The following PFAS variants were observed in gnomAD, a reference collection of about 807,000 sequenced individuals.
PFAS encodes the protein FGAM synthase.
In PFAS, 97 loss-of-function variants were observed where a neutral mutation model predicts 140.6. The observed-to-expected ratio is 0.69, with a 90% CI of 0.59 to 0.82. The LOEUF is 0.82. PFAS is among the 40% of genes least tolerant of loss of function. The pLI is 0.00. For synonymous variants in PFAS, 679 were observed against 718.8 expected, an observed-to-expected ratio of 0.94 and a Z score of 0.88; for missense variants, 1,656 against 1,780.2, an observed-to-expected ratio of 0.93 and a Z score of 1.26.
intron 26 of PFAS, among the ~76,000 whole-genome samples, chr17:8,268,050 ATATAT>A (rs1989901579): frequency 1.0e-3 from 1 of 984 alleles, no homozygotes; most frequent in Non-Finnish European, 0.012. Flanking sequence ...ATATTTTTAA[ATATAT>A]ATATATATAT....
In PFAS at chr17:8,268,514, C is replaced by G. The variant is rs1989918892; in HGVS notation, c.3383-19C>G. ...TGAGGTCCTCCATGTCTCACCCTGA[C>G]TTCCCTATTCCCTGCTAGGGTGGGC... On this transcript the variant is annotated intron_variant, in intron 26 of 27. Coordinates refer to ENST00000314666, the MANE Select transcript of PFAS (RefSeq NM_012393.3). 1 of 1,594,146 alleles carries G rather than the reference C, an allele frequency of 6.3e-7. No individual in the cohort carries two copies. Among genetic ancestry groups the G allele is most frequent in the Non-Finnish European group, 8.6e-7 (1 of 1,165,756 alleles).
chr17:8,267,424 C>T lies in PFAS; in HGVS notation c.3228C>T (p.Asp1076=), dbSNP rs1989863617. ...TGCGAGAGGAGGGCAGTAATGGAGA[C>T]CGGGAGATGGCCGATGCCTTCCACT... is the stretch of plus-strand genomic sequence containing the variant. The part of the protein sequence containing the change: ...AILREEGSNG[D]REMADAFHLA... Residue 1076 remains aspartate (D), a synonymous_variant, in exon 25 of 28, where the codon GAC becomes GAT. Transcript: ENST00000314666. This position sits in a 1 kb window ranked among gnomAD's most constrained non-coding sequence, Gnocchi z 4.9. The T allele has an allele frequency of 6.2e-7, 1 of 1,614,008 alleles. No individual in the cohort carries two copies. Among genetic ancestry groups the T allele is most frequent in the African/African-American group, 1.3e-5 (1 of 74,920 alleles).
In PFAS at chr17:8,266,480, T is replaced by C. The variant is rs781433923; in HGVS notation, c.2821+127T>C. The stretch of plus-strand genomic sequence containing the variant: ...CCCTGAGTCTTCCCTGACTAGCTTT[T>C]CTGTGCTGTCTCTCTGACAGCTGAA... On this transcript the variant is annotated intron_variant, in intron 22 of 27. Coordinates refer to ENST00000314666, the MANE Select transcript of PFAS (RefSeq NM_012393.3). This position sits in a 1 kb window ranked among gnomAD's most constrained non-coding sequence, Gnocchi z 5.0. 2.7e-6 allele frequency: 4 copies of C among 1,501,592 alleles called. No individual in the cohort carries two copies. In the African/African-American group the frequency reaches 4.2e-5, roughly 16 times the overall value. The allele number at this position is 1,501,592 out of a possible 1,614,324, so 93.0% of individuals were successfully genotyped here. A position where few individuals can be genotyped will look rare whatever the true frequency, so the allele number is the denominator to read the frequency against.
chr17:8,264,500 C>T lies in PFAS; in HGVS notation c.1948C>T (p.Leu650=), dbSNP rs111582904. Residue 650 remains leucine, a synonymous_variant, in exon 17 of 28, where the codon CTG becomes TTG. Coordinates refer to ENST00000314666, the MANE Select transcript of PFAS (RefSeq NM_012393.3). ...CTTCCTGCAGAGGAAGCCCCCCATG[C>T]TGCAGCCTCTGGCCTTGCCCCCAGG... ...EFFLQRKPPM[L]QPLALPPGLS... 2 of 1,613,838 alleles carry T rather than the reference C, an allele frequency of 1.2e-6. No individual in the cohort carries two copies. The highest frequency in any genetic ancestry group is 2.2e-5 in the East Asian group (1 of 44,880).
In PFAS at chr17:8,264,976, G is replaced by A; in HGVS notation, c.2131G>A (p.Val711Met). The A allele has an allele frequency of 6.2e-7, 1 of 1,613,132 alleles. No individual in the cohort carries two copies. Among genetic ancestry groups the A allele is most frequent in the Non-Finnish European group, 8.5e-7 (1 of 1,179,606 alleles). The change falls in exon 18 of 28, where the codon GTG becomes ATG. Residue 711 changes from valine (V) to methionine (M), a missense_variant. Transcript: ENST00000314666. ...LQTPLADVAVVALSHEELIGA... is the reference protein window; with the variant it reads ...LQTPLADVAVMALSHEELIGA... ...AACTCCTCTGGCAGATGTAGCGGTT[G>A]TGGCACTGAGCCATGAGGAGCTCAT...
chr17:8,247,965 CAAG>C, upstream of PFAS: 1 of 1,598,848 alleles, frequency 6.3e-7, no homozygotes, highest in Non-Finnish European at 8.5e-7. Flanking sequence ...CTGTGACAAA[CAAG>C]AAAAAAGGAA....
In PFAS at chr17:8,264,867, C is replaced by G. The variant is rs773299059; in HGVS notation, c.2050-28C>G. On this transcript the variant is annotated intron_variant, in intron 17 of 27. Coordinates refer to ENST00000314666, the MANE Select transcript of PFAS (RefSeq NM_012393.3). Reference sequence around the variant, plus strand: ...GCTCAGGCTGTCCCTGTCCCTTGCTCTCTTGCTAACCCCACCTGGTTCCAC... The same window carrying G: ...GCTCAGGCTGTCCCTGTCCCTTGCTGTCTTGCTAACCCCACCTGGTTCCAC... 3.6e-5 allele frequency: 53 copies of G among 1,475,772 alleles called. No homozygotes were observed. The Admixed American group carries it at 3.7e-4, about 10-fold the overall frequency. The allele number at this position is 1,475,772 out of a possible 1,614,324, so 91.4% of individuals were successfully genotyped here. A position where few individuals can be genotyped will look rare whatever the true frequency, so the allele number is the denominator to read the frequency against.
chr17:8,252,394 TTTTG>T (rs761645734), intron 1 of PFAS, among the ~76,000 whole-genome samples: 9 of 152,104 alleles, frequency 5.9e-5, no homozygotes, highest in Non-Finnish European at 1.3e-4. Context: ...AGAGATCCTT[TTTTG>T]TTTGTTTGTT....
At chr17:8,252,515 T>C (rs1037013539) in intron 1 of PFAS, among the ~76,000 whole-genome samples, 1 of 148,498 alleles carries the variant, frequency 6.7e-6, no homozygotes, top group Non-Finnish European at 1.5e-5. Flanking sequence ...GTGATTCTCC[T>C]GCCTCAGCCT....
chr17:8,263,641 G>C lies in PFAS; in HGVS notation c.1629+5G>C. 1 of 1,613,638 alleles carries C rather than the reference G, an allele frequency of 6.2e-7. No individual in the cohort carries two copies. Among genetic ancestry groups the C allele is most frequent in the Non-Finnish European group, 8.5e-7 (1 of 1,179,606 alleles). On this transcript the variant is annotated splice_donor_5th_base_variant and intron_variant, in intron 14 of 27. Transcript: ENST00000314666. ...ATTTACACCAGCCGCTTCCAGGTGG[G>C]TCTCGTCCCCTGAAGTGTGACATTT...
In PFAS at chr17:8,252,703, G is replaced by A. The variant is rs940291579; in HGVS notation, c.-79-1156G>A. On this transcript the variant is annotated intron_variant, in intron 1 of 27. Transcript: ENST00000314666. ...TTGATCACTGCTCACTGCAGCCTCC[G>A]CCTCCCCAGGCTCAAGTGATCTTCC... 7.9e-5 allele frequency among the ~76,000 whole-genome samples: 12 copies of A among 152,234 alleles called. No homozygotes were observed. In the South Asian group the frequency reaches 1.2e-3, roughly 16 times the overall value.
chr17:8,262,584 A>G (rs1350474307), intron 11 of PFAS: 5 of 265,740 alleles, frequency 1.9e-5, no homozygotes, highest in Admixed American at 4.9e-5. Flanking sequence ...ACCTGAGGTC[A>G]GGAGTTTGAG....
rs148514332 is a variant in PFAS, at chr17:8,267,464, G to A, written c.3267+1G>A. 4.3e-6 allele frequency: 7 copies of A among 1,613,590 alleles called. No homozygotes were observed. Among genetic ancestry groups the A allele is most frequent in the Non-Finnish European group, 5.9e-6 (7 of 1,179,596 alleles). On this transcript the variant is annotated splice_donor_variant, in intron 25 of 27. Coordinates refer to ENST00000314666, the MANE Select transcript of PFAS (RefSeq NM_012393.3). LOFTEE classifies it high-confidence loss of function. The surrounding 1 kb of genome is among the most constrained non-coding windows in gnomAD (Gnocchi z 4.9). ...TGCCTTCCACTTAGCTGGGTTTGAG[G>A]TGAGCAGGGTAGGGGGCAGCTGGGG...
At chr17:8,263,296 G>GC (rs754603802) in intron 13 of PFAS, 31 bp downstream of exon 13, 1 of 1,612,086 alleles carries the variant, frequency 6.2e-7, no homozygotes, top group Non-Finnish European at 8.5e-7. Context: ...AAGAGACTGG[G>GC]CCTGCCTGGT....
At position 8,263,276 on chromosome 17, in the gene PFAS, G is replaced by A; in HGVS notation, c.1567+11G>A. Reference sequence around the variant, plus strand: ...GCGCTGGTGGCAATGGTGAGGAAAGGAGTTGGAACAAGAGACTGGGCCTGC... The same window carrying A: ...GCGCTGGTGGCAATGGTGAGGAAAGAAGTTGGAACAAGAGACTGGGCCTGC... On this transcript the variant is annotated intron_variant, in intron 13 of 27. Transcript: ENST00000314666. The A allele has an allele frequency of 6.2e-7, 1 of 1,614,042 alleles. No homozygotes were observed. The highest frequency in any genetic ancestry group is 1.1e-5 in the South Asian group (1 of 91,088).
chr17:8,270,455 C>T lies in PFAS; in HGVS notation c.*1191C>T, dbSNP rs1012514095. 3.9e-5 allele frequency: 6 copies of T among 152,248 alleles called. No homozygotes were observed. The highest frequency in any genetic ancestry group is 6.5e-5 in the Admixed American group (1 of 15,280). The allele number at this position is 152,248 out of a possible 1,614,324, so 9.4% of individuals were successfully genotyped here. ...AGCAAAGGACTTGATAGCCCCTCCC[C>T]GCCTTTTCAATAAAGGATGAATGAA... On this transcript the variant is annotated 3_prime_UTR_variant, in exon 28 of 28. Coordinates refer to ENST00000314666, the MANE Select transcript of PFAS (RefSeq NM_012393.3).
chr17:8,267,969 TTATATATATTA>T lies in PFAS; in HGVS notation c.3382+306_3382+316del, dbSNP rs1989892855. On this transcript the variant is annotated intron_variant, in intron 26 of 27. Transcript: ENST00000314666. This position sits in a 1 kb window ranked among gnomAD's most constrained non-coding sequence, Gnocchi z 4.9. Reference sequence around the variant, plus strand: ...TATATATTATTAAAATATATATTATTTATATATATTATTTATATATTATTAAAATATATTAT... The same window carrying T: ...TATATATTATTAAAATATATATTATTTTTATATATTATTAAAATATATTAT... Among the ~76,000 whole-genome samples the T allele has an allele frequency of 7.0e-6, 1 of 143,830 alleles. No homozygotes were observed. Among genetic ancestry groups the T allele is most frequent in the Non-Finnish European group, 1.5e-5 (1 of 65,894 alleles). 94.4% of individuals were successfully genotyped at this position (143,830 alleles called of 152,430 possible).
At position 8,263,262 on chromosome 17, in the gene PFAS, A is replaced by C. The variant is rs756630122; in HGVS notation, c.1564A>C (p.Asn522His). The C allele has an allele frequency of 1.2e-6, 2 of 1,613,942 alleles. No homozygotes were observed. The highest frequency in any genetic ancestry group is 2.2e-5 in the East Asian group (1 of 44,890). The part of the protein sequence containing the change: ...CSLHDQGAGG[N>H]GNVLKELSDP... ...CCTTCATGATCAGGGCGCTGGTGGC[A>C]ATGGTGAGGAAAGGAGTTGGAACAA... Residue 522 changes from asparagine to histidine, a missense_variant, in exon 13 of 28, where the codon AAT becomes CAT. Coordinates refer to ENST00000314666, the MANE Select transcript of PFAS (RefSeq NM_012393.3).
chr17:8,255,967 CAG>C (rs996631980), intron 6 of PFAS, 57 bp downstream of exon 6: 56 of 1,305,826 alleles, frequency 4.3e-5, no homozygotes, highest in Admixed American at 6.8e-5. Context: ...GGAGAGACCA[CAG>C]GGGCTCACCT....
Sources: gnomAD v4.1 joint callset for allele counts (sites outside exome capture counted in the v4.1 genomes callset) on GRCh38, gnomAD v4.1.1 for gene constraint, Gnocchi (gnomAD v3.1) non-coding constraint, MANE v1.5 for transcripts, NCBI Gene and HGNC (gene_info 2026-07-23, HGNC 2026-07-21) for gene names.